Variants in CWC27 observed in about 807,000 individuals in gnomAD.
The protein encoded by CWC27 is spliceosome-associated protein CWC27 homolog.
CWC27 carries 47 observed loss-of-function variants against 63.6 expected under a neutral mutation model. The observed-to-expected ratio is 0.74, with a 90% CI of 0.58 to 0.94. The LOEUF (loss-of-function observed/expected upper bound fraction) is 0.94, where lower values mean the gene tolerates loss of function less well. Among genes scored for constraint, CWC27 ranks in the 40% least tolerant of loss-of-function variants. CWC27 has a pLI of 0.00. For missense variants in CWC27, 495 were observed against 554.3 expected (o/e 0.89, Z 1.07); for synonymous variants, 175 against 179.8 (o/e 0.97, Z 0.22).
At chr5:64,820,187 G>A (rs1311961443) in intron 10 of CWC27, among the ~76,000 whole-genome samples, 3 of 152,136 alleles carry the variant, frequency 2.0e-5, no homozygotes, top group Non-Finnish European at 2.9e-5. Flanking sequence ...CACCTAAACC[G>A]GGTATAAACA....
At chr5:64,769,272 G>A (rs746676291) in intron 1 of CWC27, 84 bp downstream of exon 1, 92 of 1,247,710 alleles carry the variant, frequency 7.4e-5, no homozygotes, top group Non-Finnish European at 9.8e-5. Flanking sequence ...TGGGTTTCAG[G>A]ATCTCGTGGT....
At chr5:64,950,304 A>G (rs1748679623) in intron 11 of CWC27, among the ~76,000 whole-genome samples, 1 of 151,494 alleles carries the variant, frequency 6.6e-6, no homozygotes, top group Non-Finnish European at 1.5e-5. Flanking sequence ...ATGTACACAT[A>G]TAAGTGTTTT....
At chr5:64,990,255 T>C (rs561431050) in intron 13 of CWC27, among the ~76,000 whole-genome samples, 1 of 91,734 alleles carries the variant, frequency 1.1e-5, no homozygotes, top group South Asian at 3.5e-4. Flanking sequence ...TTTTTTGTTT[T>C]TTTTTTTTTT....
chr5:64,982,975 G>A (rs747812570), intron 13 of CWC27, among the ~76,000 whole-genome samples: 19 of 152,102 alleles, frequency 1.2e-4, no homozygotes, highest in Non-Finnish European at 1.8e-4. Flanking sequence ...CACCTGCGAG[G>A]GATCTAGGTT....
chr5:64,875,042 T>G (rs1051605129), intron 10 of CWC27, among the ~76,000 whole-genome samples: 13 of 152,090 alleles, frequency 8.5e-5, no homozygotes, highest in African/African-American at 2.7e-4. Context: ...ACATATTTGA[T>G]TCTGAGATTT....
At chr5:64,812,498 T>G (rs1388674353) in intron 10 of CWC27, among the ~76,000 whole-genome samples, 1 of 152,064 alleles carries the variant, frequency 6.6e-6, no homozygotes, top group Admixed American at 6.6e-5. Context: ...ATAAAGAAAA[T>G]TTGCAGTTGT....
rs546593110 is a variant in CWC27 at position 64,906,641 on chromosome 5, G to C, written c.1042+21095G>C. Among the ~76,000 whole-genome samples, 11 of 152,288 alleles carry C rather than the reference G, an allele frequency of 7.2e-5. No homozygotes were observed. In the East Asian group the frequency reaches 2.1e-3, roughly 29 times the overall value. ...AGGTTGCGTATTCACTCTGATAGTA[G>C]TTTCTTTTGCTGTGCAGAAGCTCTT... On this transcript the variant is annotated intron_variant, in intron 11 of 13. Coordinates refer to ENST00000381070, the MANE Select transcript of CWC27 (RefSeq NM_005869.4).
intron 11 of CWC27, among the ~76,000 whole-genome samples, chr5:64,940,688 A>G (rs1368581289): frequency 1.3e-5 from 2 of 151,906 alleles, no homozygotes; most frequent in South Asian, 2.1e-4. Context: ...TTCTCCATTT[A>G]TTTATTATGT....
At chr5:64,900,563 A>G (rs1225164685) in intron 11 of CWC27, among the ~76,000 whole-genome samples, 1 of 152,132 alleles carries the variant, frequency 6.6e-6, no homozygotes, top group African/African-American at 2.4e-5. Flanking sequence ...AAATTTTGGG[A>G]AAGTCTAACT....
chr5:64,776,078 A>T, intron 2 of CWC27, among the ~76,000 whole-genome samples: 1 of 27,084 alleles, frequency 3.7e-5, no homozygotes, highest in Non-Finnish European at 7.4e-5. Context: ...CGAGAGAGAG[A>T]GAGAGAGAGA....
At chr5:64,807,049 G>A (rs904257757) in intron 10 of CWC27, among the ~76,000 whole-genome samples, 1 of 152,116 alleles carries the variant, frequency 6.6e-6, no homozygotes, top group Non-Finnish European at 1.5e-5. Context: ...CAGCCAGATA[G>A]GATGTCAGTG....
chr5:64,816,045 T>A (rs1374360143), intron 10 of CWC27, among the ~76,000 whole-genome samples: 1 of 152,184 alleles, frequency 6.6e-6, no homozygotes, highest in Non-Finnish European at 1.5e-5. Context: ...TCTCTCTTTT[T>A]TTGCAGCTTT....
chr5:64,982,441 G>A (rs1362325717), intron 13 of CWC27, among the ~76,000 whole-genome samples: 1 of 151,676 alleles, frequency 6.6e-6, no homozygotes, highest in Non-Finnish European at 1.5e-5. Flanking sequence ...CTCCACCTCA[G>A]CCTCCCAAGT....
chr5:65,004,901 T>C (rs866050388), intron 13 of CWC27, among the ~76,000 whole-genome samples: 4,421 of 64,978 alleles, frequency 0.068, 347 homozygotes, highest in African/African-American at 0.21. Flanking sequence ...TATATATATA[T>C]ATATACATAC....
chr5:64,903,418 A>C (rs556361189), intron 11 of CWC27, among the ~76,000 whole-genome samples: 5 of 152,212 alleles, frequency 3.3e-5, no homozygotes, highest in Admixed American at 3.3e-4. Flanking sequence ...CAGCAAACTA[A>C]CACAGGAACA....
chr5:64,942,867 T>C (rs559590041), intron 11 of CWC27, among the ~76,000 whole-genome samples: 5 of 152,350 alleles, frequency 3.3e-5, no homozygotes, highest in Admixed American at 6.5e-5. Flanking sequence ...CATGTGTGCC[T>C]GTATAATAAA....
At chr5:64,886,580 A>G (rs544856193) in intron 11 of CWC27, among the ~76,000 whole-genome samples, 1 of 152,240 alleles carries the variant, frequency 6.6e-6, no homozygotes, top group South Asian at 2.1e-4. Context: ...ACAGTGGCAC[A>G]ATGTTTGGCC....
chr5:64,958,592 A>T (rs923667859), intron 11 of CWC27, among the ~76,000 whole-genome samples: 1 of 152,204 alleles, frequency 6.6e-6, no homozygotes, highest in African/African-American at 2.4e-5. Flanking sequence ...TCTAATGGAA[A>T]ATACAGTCGA....
chr5:64,857,447 T>C (rs1746282053), intron 10 of CWC27, among the ~76,000 whole-genome samples: 1 of 152,204 alleles, frequency 6.6e-6, no homozygotes, highest in Non-Finnish European at 1.5e-5. Context: ...GTTTGTAGTT[T>C]TTGGTAACCT....
Sources: allele counts gnomAD v4.1 joint callset (sites outside exome capture counted in the v4.1 genomes callset), GRCh38; gene constraint gnomAD v4.1.1; transcripts MANE v1.5; gene names NCBI Gene and HGNC (gene_info 2026-07-23, HGNC 2026-07-21).